The following SLC35F5 variants were observed in gnomAD, a reference collection of about 807,000 sequenced individuals.
SLC35F5 encodes the protein HCV NS5A-transactivated protein 3.
SLC35F5 carries 54 observed loss-of-function variants against 68.6 expected under a neutral mutation model. The ratio of observed to expected loss-of-function variants is 0.79; its 90% CI spans 0.63 to 0.99. The LOEUF is 0.99. Among genes scored for constraint, SLC35F5 ranks in the 50% least tolerant of loss-of-function variants. The pLI is 0.00. For synonymous variants in SLC35F5, 211 were observed against 205.2 expected, an observed-to-expected ratio of 1.03 and a Z score of -0.24; for missense variants, 567 against 626.9, an observed-to-expected ratio of 0.90 and a Z score of 1.02.
intron 3 of SLC35F5, among the ~76,000 whole-genome samples, chr2:113,753,166 TTC>T (rs1378532173): frequency 0.14 from 15,702 of 109,208 alleles, 3,126 homozygotes; most frequent in Middle Eastern, 0.28. Context: ...AAGTTTGTTT[TTC>T]TTTTTTTTTT....
At chr2:113,716,765 T>G (rs995057306) in intron 15 of SLC35F5, among the ~76,000 whole-genome samples, 1 of 152,182 alleles carries the variant, frequency 6.6e-6, no homozygotes, top group East Asian at 1.9e-4. Context: ...CAGGGGTAAC[T>G]GCCTTGTACA....
intron 12 of SLC35F5, among the ~76,000 whole-genome samples, chr2:113,723,836 C>T (rs1334434364): frequency 6.6e-6 from 1 of 152,112 alleles, no homozygotes; most frequent in Non-Finnish European, 1.5e-5. Flanking sequence ...TTTGAAATAT[C>T]TATCTGCATA....
chr2:113,717,698 G>C, intron 15 of SLC35F5, 55 bp downstream of exon 15: 1 of 1,196,894 alleles, frequency 8.4e-7, no homozygotes, highest in Non-Finnish European at 1.2e-6. Flanking sequence ...TCAATCCTTT[G>C]AATATTACAC....
rs1487093237 is a variant in SLC35F5, at chr2:113,719,142, G to A, written c.1496+12C>T. 5.0e-6 allele frequency: 8 copies of A among 1,601,826 alleles called. No homozygotes were observed. The highest frequency in any genetic ancestry group is 5.9e-6 in the Non-Finnish European group (7 of 1,177,080). On this transcript the variant is annotated intron_variant, in intron 14 of 15. Transcript: ENST00000245680. The stretch of plus-strand genomic sequence containing the variant: ...CACTATTTTTAAAAATGTGTATTGG[G>A]ACTAAACTTACCTCTGAATTCGATG...
chr2:113,716,959 A>G (rs747849011), intron 15 of SLC35F5, among the ~76,000 whole-genome samples: 3 of 152,226 alleles, frequency 2.0e-5, no homozygotes, highest in African/African-American at 4.8e-5. Flanking sequence ...GGAGTTGTAC[A>G]ATGTTCTAGA....
chr2:113,704,963 C>G (rs1387618983), downstream of SLC35F5: 4 of 152,338 alleles, frequency 2.6e-5, no homozygotes, highest in Non-Finnish European at 5.9e-5. Flanking sequence ...CACGTTGTCA[C>G]CTCTCACTAA....
chr2:113,748,620 A>T (rs1441377536), intron 4 of SLC35F5, among the ~76,000 whole-genome samples: 2 of 152,218 alleles, frequency 1.3e-5, no homozygotes, highest in African/African-American at 4.8e-5. Context: ...ATATACCTAT[A>T]CTAATACACA....
At chr2:113,755,604 A>G in intron 1 of SLC35F5, 60 bp from the exon 2 acceptor site, 1 of 1,468,264 alleles carries the variant, frequency 6.8e-7, no homozygotes, top group Non-Finnish European at 9.5e-7. Context: ...AAGATTCATC[A>G]CATCGTTTTT....
chr2:113,736,920 T>A (rs1225450926), intron 7 of SLC35F5, among the ~76,000 whole-genome samples: 1 of 152,210 alleles, frequency 6.6e-6, no homozygotes, highest in East Asian at 1.9e-4. Flanking sequence ...TGATAATTCA[T>A]CCATTTTTTT....
At chr2:113,705,835 A>G (rs960551261), downstream of SLC35F5, among the ~76,000 whole-genome samples, 2 of 151,844 alleles carry the variant, frequency 1.3e-5, no homozygotes, top group Admixed American at 1.3e-4. Context: ...ACTGAAAAAT[A>G]TTTTTCATGT....
intron 10 of SLC35F5, among the ~76,000 whole-genome samples, chr2:113,730,152 G>A (rs1291757281): frequency 6.6e-6 from 1 of 152,070 alleles, no homozygotes; most frequent in Non-Finnish European, 1.5e-5. Context: ...AGAACTCCTT[G>A]AAAACTGCAA....
In SLC35F5 at chr2:113,707,807, C is replaced by T. The variant is rs1444077896; in HGVS notation, c.*7411G>A. On this transcript the variant is annotated 3_prime_UTR_variant, in exon 16 of 16. Transcript: ENST00000245680. Reference sequence around the variant, plus strand: ...AACTCCTAATCTCAGGTGATCCACCCGCCTCGGACTCCCAAAGTGCTGGGA... The same window carrying T: ...AACTCCTAATCTCAGGTGATCCACCTGCCTCGGACTCCCAAAGTGCTGGGA... 2.0e-5 allele frequency among the ~76,000 whole-genome samples: 3 copies of T among 152,060 alleles called. No individual in the cohort carries two copies. The highest frequency in any genetic ancestry group is 6.6e-5 in the Admixed American group (1 of 15,250).
intron 9 of SLC35F5, among the ~76,000 whole-genome samples, 180 bp from the exon 10 acceptor site, chr2:113,731,828 G>A (rs566731904): frequency 6.6e-6 from 1 of 152,028 alleles, no homozygotes; most frequent in Non-Finnish European, 1.5e-5. Flanking sequence ...TGTTATATTT[G>A]TATTAACTCA....
chr2:113,739,345 G>A (rs1002640915), intron 7 of SLC35F5, among the ~76,000 whole-genome samples: 3 of 151,170 alleles, frequency 2.0e-5, no homozygotes, highest in South Asian at 2.1e-4. Context: ...TATTTTTATC[G>A]TTGTATTGCT....
chr2:113,738,190 A>G (rs1444739248), intron 7 of SLC35F5, among the ~76,000 whole-genome samples: 1 of 152,164 alleles, frequency 6.6e-6, no homozygotes, highest in Non-Finnish European at 1.5e-5. Context: ...CTCCATATAC[A>G]TTAGTTCCCA....
intron 1 of SLC35F5, chr2:113,756,097 C>T (rs1676973490): frequency 1.4e-6 from 2 of 1,448,498 alleles, no homozygotes; most frequent in Non-Finnish European, 1.8e-6. Context: ...GAAAAGAAAT[C>T]ATCCTTCTGT....
chr2:113,755,917 T>C (rs1676965562), intron 1 of SLC35F5: 1 of 1,550,594 alleles, frequency 6.4e-7, no homozygotes, highest in Admixed American at 2.0e-5. Context: ...AAAAGTGTCT[T>C]TTCTGTCCCT....
intron 14 of SLC35F5, 69 bp from the exon 15 acceptor site, chr2:113,717,919 T>C (rs1687240952): frequency 1.8e-6 from 2 of 1,081,226 alleles, no homozygotes; most frequent in African/African-American, 3.2e-5. Flanking sequence ...ACCTTATTTA[T>C]TCCATTGCCT....
At chr2:113,702,804 A>G (rs1686721947), downstream of SLC35F5, among the ~76,000 whole-genome samples, 1 of 152,192 alleles carries the variant, frequency 6.6e-6, no homozygotes, top group Non-Finnish European at 1.5e-5. Flanking sequence ...CAAATAGCAA[A>G]GATTCCTACT....
Sources: allele counts gnomAD v4.1 joint callset (sites outside exome capture counted in the v4.1 genomes callset), GRCh38; gene constraint gnomAD v4.1.1; transcripts MANE v1.5; gene names NCBI Gene and HGNC (gene_info 2026-07-23, HGNC 2026-07-21).